The following FHOD3 variants were observed in gnomAD, a reference collection of about 807,000 sequenced individuals.
FHOD3 encodes the protein FH1/FH2 domain-containing protein 3.
FHOD3 carries 90 observed loss-of-function variants against 173.0 expected under a neutral mutation model. The ratio of observed to expected loss-of-function variants is 0.52; its 90% CI spans 0.44 to 0.62. The LOEUF is 0.62. Ranked by LOEUF, FHOD3 falls within the 20% of genes least tolerant of loss-of-function variation. FHOD3 has a pLI of 0.00. For missense variants in FHOD3, 1,945 were observed against 2,034.7 expected, an observed-to-expected ratio of 0.96 and a Z score of 0.85; for synonymous variants, 828 against 823.0, an observed-to-expected ratio of 1.01 and a Z score of -0.10.
At chr18:36,640,032 C>T (rs1221272090) in intron 10 of FHOD3, among the ~76,000 whole-genome samples, 1 of 152,014 alleles carries the variant, frequency 6.6e-6, no homozygotes, top group Non-Finnish European at 1.5e-5. Flanking sequence ...TATGCTTGAC[C>T]CTTTAATATT....
At chr18:36,487,900 G>A (rs923253530) in intron 3 of FHOD3, among the ~76,000 whole-genome samples, 7 of 152,186 alleles carry the variant, frequency 4.6e-5, no homozygotes, top group Admixed American at 6.5e-5. Context: ...CAGCTTGTCC[G>A]TTTAATGTGT....
At chr18:36,454,762 C>G (rs530738866) in intron 3 of FHOD3, among the ~76,000 whole-genome samples, 2 of 152,090 alleles carry the variant, frequency 1.3e-5, no homozygotes, top group South Asian at 2.1e-4. Flanking sequence ...ATGATTGATC[C>G]TGGCTCTTCG....
In FHOD3 at chr18:36,653,347, C is replaced by CTT; in HGVS notation, c.1653_1654insTT (p.Asp552LeufsTer6). 4 of 1,534,604 alleles carry CTT rather than the reference C, an allele frequency of 2.6e-6. No individual in the cohort carries two copies. Among genetic ancestry groups the CTT allele is most frequent in the Non-Finnish European group, 3.5e-6 (4 of 1,146,322 alleles). On this transcript the variant is annotated frameshift_variant, in exon 13 of 29. Transcript: ENST00000590592. LOFTEE classifies it high-confidence loss of function. ...GGCTTTTCTTCCTTTGACAGTTCCT[C>CTT]TGATTCTTTCTCTTTGAGCACATAT...
chr18:36,418,199 T>C (rs1010743102), intron 3 of FHOD3, among the ~76,000 whole-genome samples: 1 of 152,226 alleles, frequency 6.6e-6, no homozygotes, highest in African/African-American at 2.4e-5. Flanking sequence ...GACAAACATA[T>C]CCATTTCTGA....
intron 1 of FHOD3, among the ~76,000 whole-genome samples, chr18:36,339,935 A>G (rs1003118635): frequency 2.0e-5 from 3 of 152,188 alleles, no homozygotes; most frequent in African/African-American, 7.2e-5. Context: ...GACCCTATGC[A>G]TAAACCCTGT....
At chr18:36,776,797 G>A (rs890708034) in intron 28 of FHOD3, among the ~76,000 whole-genome samples, 10 of 152,176 alleles carry the variant, frequency 6.6e-5, no homozygotes, top group Admixed American at 4.6e-4. Flanking sequence ...GTAGACCCAC[G>A]AGGGAGAGGG....
chr18:36,450,458 TA>T (rs1174927531), intron 3 of FHOD3, among the ~76,000 whole-genome samples: 100 of 139,700 alleles, frequency 7.2e-4, no homozygotes, highest in African/African-American at 3.0e-3. Context: ...TTTATTTATT[TA>T]TTTATTTATT....
chr18:36,666,578 C>T (rs1261649463), intron 14 of FHOD3, among the ~76,000 whole-genome samples: 1 of 152,100 alleles, frequency 6.6e-6, no homozygotes, highest in Non-Finnish European at 1.5e-5. Flanking sequence ...ACCTCTAAGT[C>T]TTCATATCAA....
At chr18:36,645,241 T>G (rs557262333) in intron 10 of FHOD3, among the ~76,000 whole-genome samples, 1 of 152,060 alleles carries the variant, frequency 6.6e-6, no homozygotes, top group Admixed American at 6.5e-5. Flanking sequence ...GCAAACATGG[T>G]AAAAACTCAT....
chr18:36,510,808 G>A (rs2055590602), intron 4 of FHOD3, among the ~76,000 whole-genome samples: 1 of 152,086 alleles, frequency 6.6e-6, no homozygotes, highest in Non-Finnish European at 1.5e-5. Flanking sequence ...CCAAAGCCAT[G>A]ATTATCTTGA....
intron 19 of FHOD3, among the ~76,000 whole-genome samples, chr18:36,720,756 CCTG>C (rs1239866395): frequency 3.9e-4 from 57 of 146,146 alleles, no homozygotes; most frequent in African/African-American, 6.6e-4. Context: ...TTCTTCTCCT[CCTG>C]CTCCTTCTCC....
At chr18:36,463,908 A>G (rs942546714) in intron 3 of FHOD3, among the ~76,000 whole-genome samples, 2 of 152,190 alleles carry the variant, frequency 1.3e-5, no homozygotes, top group Non-Finnish European at 2.9e-5. Context: ...TTTCTTTAAA[A>G]CTTTTTTTTC....
At position 36,702,842 on chromosome 18, in the gene FHOD3, A is replaced by G. The variant is rs118058460; in HGVS notation, c.2237-6253A>G. 6.9e-3 allele frequency among the ~76,000 whole-genome samples: 1,043 copies of G among 150,808 alleles called. 6 individuals carry two copies. The highest frequency in any genetic ancestry group is 0.012 in the Non-Finnish European group (795 of 67,750). The stretch of plus-strand genomic sequence containing the variant: ...CGCGTGTGTGTGTGCACGTGTGCGT[A>G]CACGCTTAATTCCAGGAATGATTAT... On this transcript the variant is annotated intron_variant, in intron 17 of 28. Coordinates refer to ENST00000590592, the MANE Select transcript of FHOD3 (RefSeq NM_001281740.3).
intron 14 of FHOD3, among the ~76,000 whole-genome samples, chr18:36,665,347 C>T (rs548131542): frequency 5.9e-5 from 9 of 152,328 alleles, no homozygotes; most frequent in South Asian, 2.1e-4. Context: ...ACAGGGCTTA[C>T]ACTTCAGTGG....
intron 4 of FHOD3, among the ~76,000 whole-genome samples, chr18:36,505,028 A>C (rs186326919): frequency 1.3e-5 from 2 of 152,322 alleles, no homozygotes; most frequent in African/African-American, 4.8e-5. Flanking sequence ...ACATGCCCAG[A>C]TCCCTCCATG....
intron 22 of FHOD3, 34 bp downstream of exon 22, chr18:36,742,890 C>A (rs186862302): frequency 9.4e-6 from 15 of 1,593,714 alleles, no homozygotes; most frequent in African/African-American, 5.4e-5. Flanking sequence ...CTGTAGCCCC[C>A]CCTTGTCACA....
chr18:36,312,149 TTA>T (rs2092272793), intron 1 of FHOD3, among the ~76,000 whole-genome samples: 1 of 152,216 alleles, frequency 6.6e-6, no homozygotes. Context: ...CATTCTTGAC[TTA>T]TAGAATCTCA....
chr18:36,702,080 C>T (rs1490168240), intron 17 of FHOD3, among the ~76,000 whole-genome samples: 2 of 152,194 alleles, frequency 1.3e-5, no homozygotes, highest in Admixed American at 1.3e-4. Context: ...TTTTGTGAAG[C>T]TGAGTTTGTG....
chr18:36,650,462 A>G (rs1405818617), intron 11 of FHOD3, among the ~76,000 whole-genome samples: 1 of 152,212 alleles, frequency 6.6e-6, no homozygotes, highest in East Asian at 1.9e-4. Context: ...AGAAGAAGCC[A>G]GCAGGATGTG....
Sources: allele counts gnomAD v4.1 joint callset (sites outside exome capture counted in the v4.1 genomes callset), GRCh38; gene constraint gnomAD v4.1.1; transcripts MANE v1.5; gene names NCBI Gene and HGNC (gene_info 2026-07-23, HGNC 2026-07-21).